Variants in COL13A1 observed in about 807,000 individuals in gnomAD.
COL13A1 encodes the protein collagen type XIII alpha 1 chain.
COL13A1 carries 89 observed loss-of-function variants against 130.9 expected under a neutral mutation model. That is an observed-to-expected ratio of 0.68 (90% confidence interval 0.57 to 0.81). The LOEUF (loss-of-function observed/expected upper bound fraction) is 0.81, where lower values mean the gene tolerates loss of function less well. COL13A1 is among the 30% of genes least tolerant of loss of function. The pLI, the probability that COL13A1 is intolerant of heterozygous loss-of-function variation, is 0.00. For synonymous variants in COL13A1, 402 were observed against 341.6 expected (o/e 1.18, Z -1.95); for missense variants, 879 against 934.6 (o/e 0.94, Z 0.78).
At chr10:69,881,533 G>A (rs2060136006) in intron 7 of COL13A1, among the ~76,000 whole-genome samples, 1 of 152,196 alleles carries the variant, frequency 6.6e-6, no homozygotes, top group Admixed American at 6.5e-5. Flanking sequence ...GAGATGAACA[G>A]CCAAGCGAGG....
chr10:69,919,775 C>T (rs536480672), intron 21 of COL13A1, 48 bp downstream of exon 21: 216 of 398,528 alleles, frequency 5.4e-4, no homozygotes, highest in Non-Finnish European at 8.4e-4. Flanking sequence ...CTAGCCTCAC[C>T]ATTCCCCTAC....
chr10:69,956,806 C>G lies in COL13A1; in HGVS notation c.2146-198C>G, dbSNP rs930710872. 5 of 585,228 alleles carry G rather than the reference C, an allele frequency of 8.5e-6. No homozygotes were observed. The South Asian group carries it at 9.7e-5, about 11-fold the overall frequency. 36.3% of individuals were successfully genotyped at this position (585,228 alleles called of 1,614,324 possible). On this transcript the variant is annotated intron_variant, in intron 39 of 40. Coordinates refer to ENST00000645393, the MANE Select transcript of COL13A1 (RefSeq NM_001368882.1). ...CACTATAGCTGCATGTGACCTTTAA[C>G]CAATGGTAAAATAGCCGGATTTGTT...
In COL13A1 at chr10:69,958,709, A is replaced by ACAAACACACAC. The variant is rs2071294631; in HGVS notation, c.*8_*9insCAAACACACAC. Reference sequence around the variant, plus strand: ...GTTTTTGTTTTGCAGTGATGCCTCTAACCTTGGATTGGCCTGTGTGTGTGT... The same window carrying ACAAACACACAC: ...GTTTTTGTTTTGCAGTGATGCCTCTACAAACACACACACCTTGGATTGGCCTGTGTGTGTGT... On this transcript the variant is annotated 3_prime_UTR_variant, in exon 41 of 41. Coordinates refer to ENST00000645393, the MANE Select transcript of COL13A1 (RefSeq NM_001368882.1). 1.9e-6 allele frequency: 3 copies of ACAAACACACAC among 1,613,820 alleles called. No homozygotes were observed. The highest frequency in any genetic ancestry group is 2.5e-6 in the Non-Finnish European group (3 of 1,179,880).
intron 38 of COL13A1, among the ~76,000 whole-genome samples, chr10:69,950,520 G>A (rs539293019): frequency 2.6e-5 from 4 of 152,242 alleles, no homozygotes; most frequent in Admixed American, 6.5e-5. Context: ...TCTTCATTAG[G>A]AAACTGCTCA....
chr10:69,938,708 C>A (rs1589656749), intron 34 of COL13A1, among the ~76,000 whole-genome samples: 1 of 152,206 alleles, frequency 6.6e-6, no homozygotes, highest in East Asian at 1.9e-4. Context: ...CTGGTTAATA[C>A]AATCACAGCA....
intron 7 of COL13A1, among the ~76,000 whole-genome samples, chr10:69,882,876 C>T (rs1374583875): frequency 2.0e-5 from 3 of 152,186 alleles, no homozygotes; most frequent in Admixed American, 6.5e-5. Context: ...GCACGGGCAG[C>T]CCCCTCAGCT....
intron 1 of COL13A1, among the ~76,000 whole-genome samples, chr10:69,808,906 A>G (rs1393363426): frequency 6.6e-6 from 1 of 152,138 alleles, no homozygotes; most frequent in African/African-American, 2.4e-5. Flanking sequence ...CCAGCAGAGG[A>G]TGAGATGATT....
chr10:69,932,836 T>C (rs1317160180), intron 31 of COL13A1, among the ~76,000 whole-genome samples: 1 of 152,004 alleles, frequency 6.6e-6, no homozygotes, highest in Non-Finnish European at 1.5e-5. Context: ...AGTCTGGAGA[T>C]ACGAAAATAA....
chr10:69,866,059 G>A (rs1369123839), intron 2 of COL13A1, among the ~76,000 whole-genome samples: 1 of 152,202 alleles, frequency 6.6e-6, no homozygotes, highest in Non-Finnish European at 1.5e-5. Flanking sequence ...GACAATGGTG[G>A]TGGCAGTGGT....
Position 69,922,766 on chromosome 10 carries a change from C to T in COL13A1, c.1202C>T (p.Pro401Leu), listed in dbSNP as rs1445635386. The T allele has an allele frequency of 6.2e-7, 1 of 1,601,910 alleles. No individual in the cohort carries two copies. Among genetic ancestry groups the T allele is most frequent in the Non-Finnish European group, 8.5e-7 (1 of 1,174,680 alleles). Residue 401 changes from proline (P) to leucine (L), a missense_variant, in exon 23 of 41, where the codon CCA becomes CTA. Physicochemically the swap from Pro to Leu is moderately conservative, Grantham distance 98. Coordinates refer to ENST00000645393, the MANE Select transcript of COL13A1 (RefSeq NM_001368882.1). ...GGAGGCAGAGGGGAACCTGGCCCTC[C>T]AGGGCTCCCTGGGCCCCCAGGGCCA... ...IGGGRGEPGP[P>L]GLPGPPGPKG...
chr10:69,956,141 A>T (rs1589777173), intron 39 of COL13A1: 1 of 152,294 alleles, frequency 6.6e-6, no homozygotes, highest in East Asian at 1.9e-4. Context: ...GCTGAGAACC[A>T]GACCTTTGCC....
At chr10:69,843,746 A>G (rs1484845707) in intron 2 of COL13A1, among the ~76,000 whole-genome samples, 4 of 152,206 alleles carry the variant, frequency 2.6e-5, no homozygotes, top group Non-Finnish European at 5.9e-5. Flanking sequence ...GTTTGCCATG[A>G]CGGTGATGGT....
intron 36 of COL13A1, among the ~76,000 whole-genome samples, chr10:69,944,441 A>C (rs979566495): frequency 1.3e-5 from 2 of 152,208 alleles, no homozygotes; most frequent in African/African-American, 4.8e-5. Flanking sequence ...GGATCACTTG[A>C]GCTCAGGAGT....
chr10:69,889,852 G>A (rs972746285), intron 10 of COL13A1, among the ~76,000 whole-genome samples: 1 of 152,218 alleles, frequency 6.6e-6, no homozygotes, highest in African/African-American at 2.4e-5. Context: ...TCCGGGTGCT[G>A]GCTGTGCCCT....
In COL13A1 at chr10:69,880,597, G is replaced by A; in HGVS notation, c.513+44G>A. ...TCCTCGGGGTGTTGGGGGGATGGGT[G>A]AGTTGATGAAAAGGGCTTTTAGGCT... On this transcript the variant is annotated intron_variant, in intron 7 of 40. Coordinates refer to ENST00000645393, the MANE Select transcript of COL13A1 (RefSeq NM_001368882.1). 4 of 1,604,496 alleles carry A rather than the reference G, an allele frequency of 2.5e-6. No homozygotes were observed. In the East Asian group the frequency reaches 6.7e-5, roughly 27 times the overall value.
intron 2 of COL13A1, 40 bp from the exon 3 acceptor site, chr10:69,867,758 G>A (rs2058666916): frequency 4.2e-6 from 3 of 718,112 alleles, no homozygotes; most frequent in South Asian, 3.0e-5. Context: ...GCCCCCTACA[G>A]CAATGACACT....
intron 39 of COL13A1, among the ~76,000 whole-genome samples, chr10:69,954,612 G>A (rs995805466): frequency 1.3e-5 from 2 of 152,186 alleles, no homozygotes; most frequent in Non-Finnish European, 2.9e-5. Context: ...CTGGAGGAGG[G>A]GCCACCTGCC....
intron 1 of COL13A1, among the ~76,000 whole-genome samples, chr10:69,814,994 A>G (rs1844073399): frequency 6.6e-6 from 1 of 152,226 alleles, no homozygotes; most frequent in African/African-American, 2.4e-5. Flanking sequence ...TCAACCCAAA[A>G]TTGATAGATG....
intron 38 of COL13A1, among the ~76,000 whole-genome samples, chr10:69,952,314 C>T (rs1404055572): frequency 6.6e-6 from 1 of 152,248 alleles, no homozygotes; most frequent in Admixed American, 6.5e-5. Flanking sequence ...CGTGGGCACA[C>T]ACACACATAT....
Sources: gnomAD v4.1 joint callset for allele counts (sites outside exome capture counted in the v4.1 genomes callset) on GRCh38, gnomAD v4.1.1 for gene constraint, MANE v1.5 for transcripts, NCBI Gene and HGNC (gene_info 2026-07-23, HGNC 2026-07-21) for gene names.